Variants in ABCC9 observed in about 807,000 individuals in gnomAD.
The protein encoded by ABCC9 is ATP-binding cassette sub-family C member 9.
ABCC9 carries 95 observed loss-of-function variants against 188.3 expected under a neutral mutation model. The ratio of observed to expected loss-of-function variants is 0.50; its 90% CI spans 0.43 to 0.60. The LOEUF is 0.60. Ranked by LOEUF, ABCC9 falls within the 20% of genes least tolerant of loss-of-function variation. ABCC9 has a pLI of 0.00. For missense variants in ABCC9, 1,102 were observed against 1,876.3 expected (o/e 0.59, Z 7.62); for synonymous variants, 659 against 652.7 (o/e 1.01, Z -0.15).
intron 7 of ABCC9, among the ~76,000 whole-genome samples, 154 bp downstream of exon 7, chr12:21,915,514 A>ATATATATATATATATTTT: frequency 5.7e-4 from 2 of 3,522 alleles, no homozygotes; most frequent in African/African-American, 1.1e-3. Flanking sequence ...ATATATATAT[A>ATATATATATATATATTTT]TTTTTTTTTT....
At chr12:21,806,109 T>TAGTA (rs1388694398) in intron 38 of ABCC9, 49 bp from the exon 39 acceptor site, 3 of 1,541,368 alleles carry the variant, frequency 1.9e-6, no homozygotes, top group South Asian at 2.2e-5. Flanking sequence ...TTTGTCATCA[T>TAGTA]AATATTTTGC....
chr12:21,815,873 G>A lies in ABCC9; in HGVS notation c.3913C>T (p.His1305Tyr), dbSNP rs753081604. The A allele has an allele frequency of 8.1e-6, 13 of 1,613,018 alleles. No individual in the cohort carries two copies. The East Asian group carries it at 2.2e-4, about 28-fold the overall frequency. Residue 1305 changes from histidine (H) to tyrosine (Y), a missense_variant, in exon 34 of 40, where the codon CAT becomes TAT. By Grantham distance (83) the His-to-Tyr change is moderately conservative. Around this residue, in one of 12 missense-constraint regions of ABCC9, gnomAD observed 143 missense variants for 225.6 expected, o/e 0.63. Coordinates refer to ENST00000261200, the MANE Select transcript of ABCC9 (RefSeq NM_020297.4). ...GTMDPSQVPE[H>Y]WPQEGEIKIH... ...TTGATCTCCCCTTCTTGTGGCCAAT[G>A]TTCTGGAACTTGAGAAGGATCTGGA...
chr12:21,903,104 G>T (rs998885800), intron 12 of ABCC9, among the ~76,000 whole-genome samples: 16 of 152,088 alleles, frequency 1.1e-4, no homozygotes, highest in African/African-American at 3.9e-4. Flanking sequence ...ATGATCAAGT[G>T]GGCTTCATCC....
In ABCC9 at chr12:21,916,934, T is replaced by A. The variant is rs1948622598; in HGVS notation, c.573+3A>T. 1 of 1,601,550 alleles carries A rather than the reference T, an allele frequency of 6.2e-7. No homozygotes were observed. The highest frequency in any genetic ancestry group is 1.7e-5 in the Admixed American group (1 of 58,474). ...AACTAAACAAAAGCCATTAGCTACC[T>A]ACCCTGACTCGAATGACATTGATCT... On this transcript the variant is annotated splice_donor_region_variant and intron_variant, in intron 6 of 39. Coordinates refer to ENST00000261200, the MANE Select transcript of ABCC9 (RefSeq NM_020297.4).
chr12:21,893,566 G>A (rs943965769), intron 14 of ABCC9, among the ~76,000 whole-genome samples: 1 of 152,084 alleles, frequency 6.6e-6, no homozygotes, highest in Non-Finnish European at 1.5e-5. Context: ...CATATTATTA[G>A]AACTAGTATC....
chr12:21,881,275 A>G (rs1004306249), intron 16 of ABCC9, among the ~76,000 whole-genome samples: 1 of 152,202 alleles, frequency 6.6e-6, no homozygotes, highest in African/African-American at 2.4e-5. Context: ...CACAATAAAA[A>G]TATTTCAAAA....
intron 2 of ABCC9, among the ~76,000 whole-genome samples, chr12:21,938,957 CTT>C (rs1193860644): frequency 6.6e-6 from 1 of 152,152 alleles, no homozygotes; most frequent in African/African-American, 2.4e-5. Flanking sequence ...TGTAAAAACA[CTT>C]ATTGATGCTA....
chr12:21,838,398 A>G (rs1385213876), intron 29 of ABCC9, among the ~76,000 whole-genome samples: 1 of 152,238 alleles, frequency 6.6e-6, no homozygotes, highest in Non-Finnish European at 1.5e-5. Context: ...GTGTTGTACA[A>G]AACTATCATC....
intron 16 of ABCC9, among the ~76,000 whole-genome samples, chr12:21,882,143 G>T (rs918028057): frequency 6.6e-6 from 1 of 152,158 alleles, no homozygotes; most frequent in Non-Finnish European, 1.5e-5. Context: ...AGTAGCCAAT[G>T]CAGCCAGTTT....
intron 37 of ABCC9, among the ~76,000 whole-genome samples, 169 bp downstream of exon 37, chr12:21,809,683 C>G (rs1942098457): frequency 6.6e-6 from 1 of 151,962 alleles, no homozygotes; most frequent in Admixed American, 6.6e-5. Context: ...CCTCTTGTAC[C>G]CCATGCAAAA....
At chr12:21,928,437 AAAG>A (rs1949137579) in intron 4 of ABCC9, among the ~76,000 whole-genome samples, 1 of 145,594 alleles carries the variant, frequency 6.9e-6, no homozygotes, top group Non-Finnish European at 1.5e-5. Flanking sequence ...GAAAAAAAGA[AAAG>A]AAAAGAAGGG....
intron 14 of ABCC9, among the ~76,000 whole-genome samples, chr12:21,891,856 C>A (rs1455950303): frequency 6.6e-6 from 1 of 152,162 alleles, no homozygotes; most frequent in Non-Finnish European, 1.5e-5. Context: ...CCAACTGGCA[C>A]TAAAGGTTGG....
In ABCC9 at chr12:21,800,406, A is replaced by G. The variant is rs895171741; in HGVS notation, c.*638T>C. 1.3e-5 allele frequency: 2 copies of G among 152,318 alleles called. No homozygotes were observed. The highest frequency in any genetic ancestry group is 4.8e-5 in the African/African-American group (2 of 41,454). The allele number at this position is 152,318 out of a possible 1,614,324, so 9.4% of individuals were successfully genotyped here. A position where few individuals can be genotyped will look rare whatever the true frequency, so the allele number is the denominator to read the frequency against. On this transcript the variant is annotated 3_prime_UTR_variant, in exon 40 of 40. Transcript: ENST00000261200. ...GACAGGAAAAAATGAAAATTCGAGT[A>G]TAGTTTTAAAAATATCCAAACTCTT...
intron 22 of ABCC9, 30 bp from the exon 23 acceptor site, chr12:21,852,535 A>G: frequency 6.2e-7 from 1 of 1,604,722 alleles, no homozygotes; most frequent in Non-Finnish European, 8.5e-7. Context: ...GGAAAGATGG[A>G]CGTTTTCTAT....
chr12:21,821,623 T>C (rs1376222277), intron 31 of ABCC9, among the ~76,000 whole-genome samples: 2 of 152,142 alleles, frequency 1.3e-5, no homozygotes, highest in African/African-American at 2.4e-5. Flanking sequence ...TAAAACATTA[T>C]GCAGTCAATT....
chr12:21,894,714 G>A (rs894029589), intron 13 of ABCC9, among the ~76,000 whole-genome samples: 15 of 152,022 alleles, frequency 9.9e-5, no homozygotes, highest in Non-Finnish European at 5.9e-5. Context: ...AGGCTCAGGT[G>A]ATCCTCCCAC....
chr12:21,936,999 A>G (rs72559434), intron 2 of ABCC9, among the ~76,000 whole-genome samples: 189 of 152,286 alleles, frequency 1.2e-3, no homozygotes, highest in African/African-American at 4.3e-3. Flanking sequence ...CTTTCAAAGA[A>G]CAAAAATGGT....
chr12:21,915,698 A>G lies in ABCC9; in HGVS notation c.786T>C (p.Val262=), dbSNP rs1948575147. Reference sequence around the variant, plus strand: ...GTTCTTCATATGCATCTTTCAGGCAAACATAATTTGTTACTGCTCTCATTG... The same window carrying G: ...GTTCTTCATATGCATCTTTCAGGCAGACATAATTTGTTACTGCTCTCATTG... ...PIAMRAVTNY[V]CLKDAYEEQK... is the part of the protein sequence containing the mutation. The change falls in exon 7 of 40, where the codon GTT becomes GTC. Residue 262 remains valine (V), a synonymous_variant. Coordinates refer to ENST00000261200, the MANE Select transcript of ABCC9 (RefSeq NM_020297.4). The G allele has an allele frequency of 1.9e-6, 3 of 1,612,024 alleles. No individual in the cohort carries two copies. The highest frequency in any genetic ancestry group is 2.5e-6 in the Non-Finnish European group (3 of 1,179,440).
chr12:21,822,032 C>T (rs1457784759), intron 31 of ABCC9, among the ~76,000 whole-genome samples: 1 of 151,790 alleles, frequency 6.6e-6, no homozygotes, highest in Non-Finnish European at 1.5e-5. Flanking sequence ...TATTTTTGAC[C>T]CGGTCTTCAG....
Sources: gnomAD v4.1 joint callset for allele counts (sites outside exome capture counted in the v4.1 genomes callset) on GRCh38, gnomAD v4.1.1 for gene constraint, gnomAD v4.1.1 regional missense constraint, MANE v1.5 for transcripts, NCBI Gene and HGNC (gene_info 2026-07-23, HGNC 2026-07-21) for gene names.